PDE4B: variants seen among roughly 807,000 people sequenced by gnomAD.
PDE4B encodes the protein phosphodiesterase 4B.
PDE4B carries 20 observed loss-of-function variants against 82.2 expected under a neutral mutation model. That is an observed-to-expected ratio of 0.24 (90% CI 0.17 to 0.35). The LOEUF is 0.35. Among genes scored for constraint, PDE4B ranks in the 10% least tolerant of loss-of-function variants. The probability of loss-of-function intolerance (pLI) is 1.00; values close to 1 mark genes in which losing one functional copy is unlikely to be tolerated. For synonymous variants in PDE4B, 320 were observed against 318.9 expected, an observed-to-expected ratio of 1.00 and a Z score of -0.04; for missense variants, 655 against 907.2, an observed-to-expected ratio of 0.72 and a Z score of 3.57.
intron 9 of PDE4B, among the ~76,000 whole-genome samples, chr1:66,357,705 A>G (rs1022734603): frequency 1.3e-5 from 2 of 152,044 alleles, no homozygotes; most frequent in African/African-American, 2.4e-5. Flanking sequence ...CAAACAGACT[A>G]GACGGGCAGA....
chr1:65,985,047 A>T (rs1488478618), intron 3 of PDE4B, among the ~76,000 whole-genome samples: 5 of 152,148 alleles, frequency 3.3e-5, no homozygotes, highest in Non-Finnish European at 5.9e-5. Flanking sequence ...ATTTTTAAAA[A>T]TTCTAATATG....
chr1:66,093,554 G>A (rs938946972), intron 3 of PDE4B, among the ~76,000 whole-genome samples: 3 of 151,836 alleles, frequency 2.0e-5, no homozygotes, highest in Non-Finnish European at 4.4e-5. Flanking sequence ...AATATGGACC[G>A]TATGTCATAG....
chr1:66,182,020 G>A (rs1246754077), intron 3 of PDE4B, among the ~76,000 whole-genome samples: 2 of 151,868 alleles, frequency 1.3e-5, no homozygotes, highest in African/African-American at 4.8e-5. Flanking sequence ...TATTTACTCA[G>A]GCAAGAAAGA....
At position 66,332,295 on chromosome 1, in the gene PDE4B, G is replaced by T. The variant is rs1660175335; in HGVS notation, c.635-213G>T. 18 of 1,532,436 alleles carry T rather than the reference G, an allele frequency of 1.2e-5. No individual in the cohort carries two copies. In the Admixed American group the frequency reaches 1.6e-4, roughly 14 times the overall value. The allele number at this position is 1,532,436 out of a possible 1,614,324, so 94.9% of individuals were successfully genotyped here. A position where few individuals can be genotyped will look rare whatever the true frequency, so the allele number is the denominator to read the frequency against. ...GACACCTCATCCAGGCGGGGGGTTGGGGGGAAACTTGGCACCAGCCATCCC... is the reference window on the plus strand; with the variant it reads ...GACACCTCATCCAGGCGGGGGGTTGTGGGGAAACTTGGCACCAGCCATCCC... On this transcript the variant is annotated intron_variant, in intron 7 of 16. Transcript: ENST00000341517.
intron 3 of PDE4B, among the ~76,000 whole-genome samples, chr1:66,110,726 G>A (rs753768622): frequency 2.0e-5 from 3 of 151,928 alleles, no homozygotes; most frequent in Non-Finnish European, 2.9e-5. Context: ...GGAAATAAAC[G>A]AGAATATATA....
intron 7 of PDE4B, among the ~76,000 whole-genome samples, chr1:66,301,618 A>G (rs1308218780): frequency 1.3e-5 from 2 of 152,086 alleles, no homozygotes; most frequent in East Asian, 3.9e-4. Flanking sequence ...TAATTCAGGA[A>G]GGATTAGAGA....
chr1:66,125,677 T>C (rs1645808711), intron 3 of PDE4B, among the ~76,000 whole-genome samples: 1 of 152,232 alleles, frequency 6.6e-6, no homozygotes, highest in African/African-American at 2.4e-5. Flanking sequence ...CAAGAACCTA[T>C]TGATGACATT....
intron 2 of PDE4B, among the ~76,000 whole-genome samples, chr1:65,917,584 T>TC (rs1014877247): frequency 5.3e-5 from 8 of 152,240 alleles, no homozygotes; most frequent in Non-Finnish European, 1.0e-4. Context: ...CTCCCAACAA[T>TC]CTCAGGACCC....
intron 3 of PDE4B, among the ~76,000 whole-genome samples, chr1:66,065,796 A>G (rs1257067619): frequency 1.3e-5 from 2 of 151,884 alleles, no homozygotes; most frequent in Non-Finnish European, 2.9e-5. Flanking sequence ...TGTTTTATCT[A>G]TTATTATACA....
chr1:65,859,724 T>A (rs1646432922), intron 1 of PDE4B, among the ~76,000 whole-genome samples: 1 of 152,220 alleles, frequency 6.6e-6, no homozygotes, highest in African/African-American at 2.4e-5. Flanking sequence ...ATACTGTAGA[T>A]AAATACAGCT....
chr1:65,933,959 A>G (rs1484207925), intron 3 of PDE4B, among the ~76,000 whole-genome samples: 4 of 152,220 alleles, frequency 2.6e-5, no homozygotes, highest in South Asian at 2.1e-4. Context: ...TTTAACATCT[A>G]TAACATAGTG....
At chr1:65,847,750 G>A (rs959145105) in intron 1 of PDE4B, among the ~76,000 whole-genome samples, 5 of 152,202 alleles carry the variant, frequency 3.3e-5, no homozygotes, top group African/African-American at 1.2e-4. Context: ...GTCCGGAAAG[G>A]TGGCAGTTCT....
intron 3 of PDE4B, among the ~76,000 whole-genome samples, chr1:66,155,055 G>A (rs1425617187): frequency 6.6e-6 from 1 of 152,108 alleles, no homozygotes; most frequent in Non-Finnish European, 1.5e-5. Flanking sequence ...CTTGAGCCCG[G>A]GAGGTTGAGT....
rs531497684 is a variant in PDE4B, at chr1:66,002,013, G to A, written c.281+83178G>A. Among the ~76,000 whole-genome samples, 19 of 152,202 alleles carry A rather than the reference G, an allele frequency of 1.2e-4. 1 individual carries two copies. Among genetic ancestry groups the A allele is most frequent in the South Asian group, 8.3e-4 (4 of 4,812 alleles). ...GCTGTGATTACAGGCATGAGCCACC[G>A]TGCCTGGCCTATAGTATATGCTTTA... is the stretch of plus-strand genomic sequence containing the variant. On this transcript the variant is annotated intron_variant, in intron 3 of 16. Coordinates refer to ENST00000341517, the MANE Select transcript of PDE4B (RefSeq NM_002600.4).
At chr1:66,093,906 C>CAAAAAA (rs1329327412) in intron 3 of PDE4B, among the ~76,000 whole-genome samples, 16 of 152,118 alleles carry the variant, frequency 1.1e-4, no homozygotes, top group Non-Finnish European at 1.8e-4. Context: ...CATTTGGGCC[C>CAAAAAA]TTGATGTTCT....
At chr1:66,221,294 C>A (rs925099372) in intron 3 of PDE4B, among the ~76,000 whole-genome samples, 2 of 152,128 alleles carry the variant, frequency 1.3e-5, no homozygotes, top group African/African-American at 4.8e-5. Context: ...CTTGTTTGAC[C>A]TACCTCGGAT....
intron 3 of PDE4B, among the ~76,000 whole-genome samples, chr1:65,981,818 G>A (rs981696530): frequency 6.6e-6 from 1 of 152,058 alleles, no homozygotes; most frequent in African/African-American, 2.4e-5. Context: ...GTTCCCAGTG[G>A]TTCTCTCTTT....
At chr1:66,140,918 C>A (rs1006857055) in intron 3 of PDE4B, among the ~76,000 whole-genome samples, 1 of 152,150 alleles carries the variant, frequency 6.6e-6, no homozygotes, top group African/African-American at 2.4e-5. Context: ...CATTTTAGAT[C>A]TTTGTTTTGA....
At chr1:66,099,958 C>A (rs1645189694) in intron 3 of PDE4B, among the ~76,000 whole-genome samples, 1 of 152,136 alleles carries the variant, frequency 6.6e-6, no homozygotes, top group African/African-American at 2.4e-5. Flanking sequence ...ATCACTTCAT[C>A]AAAGAAGTCT....
Sources: gnomAD v4.1 joint callset for allele counts (sites outside exome capture counted in the v4.1 genomes callset) on GRCh38, gnomAD v4.1.1 for gene constraint, MANE v1.5 for transcripts, NCBI Gene and HGNC (gene_info 2026-07-23, HGNC 2026-07-21) for gene names.